PRSS23: variants seen among roughly 807,000 people sequenced by gnomAD.
PRSS23 encodes the protein serine protease 23.
Under a neutral mutation model 34.7 loss-of-function variants are expected in PRSS23, and 25 were observed. The observed-to-expected ratio is 0.72, with a 90% confidence interval of 0.53 to 1.01. The LOEUF (loss-of-function observed/expected upper bound fraction) is 1.01. Ranked by LOEUF, PRSS23 falls within the 50% of genes least tolerant of loss-of-function variation. PRSS23 has a pLI of 0.00. For missense variants in PRSS23, 445 were observed against 475.6 expected (o/e 0.94, Z 0.60); for synonymous variants, 176 against 186.6 (o/e 0.94, Z 0.46).
At chr11:86,900,214 A>G (rs1159894012) in intron 2 of PRSS23, among the ~76,000 whole-genome samples, 2 of 152,150 alleles carry the variant, frequency 1.3e-5, no homozygotes, top group Admixed American at 1.3e-4. Context: ...TTCCTCCTCA[A>G]TGCTTTCCTC....
chr11:86,834,778 G>A (rs558739759), intron 2 of PRSS23, among the ~76,000 whole-genome samples: 36 of 152,184 alleles, frequency 2.4e-4, no homozygotes, highest in Admixed American at 4.6e-4. Flanking sequence ...AGCATACATA[G>A]AGTCTGTATA....
chr11:86,925,732 T>C (rs970152251), intron 2 of PRSS23, among the ~76,000 whole-genome samples: 3 of 152,228 alleles, frequency 2.0e-5, no homozygotes, highest in African/African-American at 4.8e-5. Flanking sequence ...GGTGATGACT[T>C]TTGTAAGACT....
chr11:86,883,290 A>G lies in PRSS23; in HGVS notation c.206+59697A>G, dbSNP rs535905125. 1.3e-5 allele frequency among the ~76,000 whole-genome samples: 2 copies of G among 152,334 alleles called. 1 individual carries two copies. Among genetic ancestry groups the G allele is most frequent in the African/African-American group, 4.8e-5 (2 of 41,580 alleles). ...AAAACAGCATGGTACTGGTACAAAAACAGACACATAGGCCAATGGAACAGA... is the reference window on the plus strand; with the variant it reads ...AAAACAGCATGGTACTGGTACAAAAGCAGACACATAGGCCAATGGAACAGA... On this transcript the variant is annotated intron_variant, in intron 2 of 2. Coordinates refer to the PRSS23 transcript ENST00000533902.
In PRSS23 at chr11:86,808,884, G is replaced by A. The variant is rs566583901; in HGVS notation, c.*89G>A. ...TGTTTTTTGTCATTGGCGTGCACAC[G>A]TGTGTGTGTGTGTGTGTGTGTGTGT... On this transcript the variant is annotated 3_prime_UTR_variant, in exon 2 of 2. Coordinates refer to ENST00000280258, the MANE Select transcript of PRSS23 (RefSeq NM_007173.6). 107 of 293,830 alleles carry A rather than the reference G, an allele frequency of 3.6e-4. No individual in the cohort carries two copies. The East Asian group carries it at 8.0e-3, about 22-fold the overall frequency. The allele number at this position is 293,830 out of a possible 1,614,324, so 18.2% of individuals were successfully genotyped here.
At chr11:86,831,710 C>A (rs1314824211) in intron 2 of PRSS23, among the ~76,000 whole-genome samples, 2 of 151,610 alleles carry the variant, frequency 1.3e-5, no homozygotes, top group East Asian at 3.9e-4. Context: ...TGATGTTATT[C>A]ATAATATCCT....
chr11:86,930,186 TA>T (rs35103355), intron 2 of PRSS23, among the ~76,000 whole-genome samples: 94,032 of 150,160 alleles, frequency 0.63, 29,783 homozygotes, highest in Non-Finnish European at 0.69. Flanking sequence ...GAAGTTCCTT[TA>T]AAAAAAAAAA....
chr11:86,877,884 G>T (rs535756593), intron 2 of PRSS23, among the ~76,000 whole-genome samples: 137 of 150,988 alleles, frequency 9.1e-4, no homozygotes, highest in Middle Eastern at 3.5e-3. Context: ...TGGGGTGGGG[G>T]GTGTGCAGGT....
intron 2 of PRSS23, among the ~76,000 whole-genome samples, chr11:86,871,915 T>C (rs1475229968): frequency 1.3e-5 from 2 of 152,202 alleles, no homozygotes. Flanking sequence ...AGAGAAAATA[T>C]GTATATATGT....
intron 1 of PRSS23, 77 bp from the exon 2 acceptor site, chr11:86,807,554 G>C: frequency 1.5e-6 from 2 of 1,320,096 alleles, no homozygotes; most frequent in Non-Finnish European, 2.1e-6. Flanking sequence ...TGACAGGCCT[G>C]CTGCTGAGCT....
intron 2 of PRSS23, among the ~76,000 whole-genome samples, chr11:86,852,568 T>C (rs1223413706): frequency 6.6e-6 from 1 of 151,998 alleles, no homozygotes; most frequent in Non-Finnish European, 1.5e-5. Context: ...TTAAAAATTA[T>C]AAATATATAT....
intron 2 of PRSS23, among the ~76,000 whole-genome samples, chr11:86,827,326 G>A (rs1396937017): frequency 1.3e-5 from 2 of 152,156 alleles, no homozygotes; most frequent in East Asian, 3.8e-4. Context: ...ATTTCTGTGG[G>A]ATCTGTGGTG....
At chr11:86,879,786 C>T (rs1448038110) in intron 2 of PRSS23, among the ~76,000 whole-genome samples, 1 of 112,704 alleles carries the variant, frequency 8.9e-6, no homozygotes. Flanking sequence ...GGGTCAGCCC[C>T]CTGCCCGGCC....
At chr11:86,861,999 T>C (rs1948619130) in intron 2 of PRSS23, among the ~76,000 whole-genome samples, 1 of 151,802 alleles carries the variant, frequency 6.6e-6, no homozygotes, top group Non-Finnish European at 1.5e-5. Flanking sequence ...GGTGAGAGAA[T>C]GATATTACAT....
At chr11:86,924,457 G>C (rs1949067585) in intron 2 of PRSS23, among the ~76,000 whole-genome samples, 1 of 152,178 alleles carries the variant, frequency 6.6e-6, no homozygotes, top group Non-Finnish European at 1.5e-5. Context: ...CTGGGACCAA[G>C]AAGTAAGGGA....
rs1000725258 is a variant in PRSS23 at position 86,846,911 on chromosome 11, G to A, written c.206+23318G>A. 3.9e-5 allele frequency among the ~76,000 whole-genome samples: 6 copies of A among 152,220 alleles called. No homozygotes were observed. In the East Asian group the frequency reaches 9.6e-4, roughly 24 times the overall value. Reference sequence around the variant, plus strand: ...TTAAAGATAGGTCTGTAATTTTCATGTGGATAGTAGAAGCCTTAGGGCATT... The same window carrying A: ...TTAAAGATAGGTCTGTAATTTTCATATGGATAGTAGAAGCCTTAGGGCATT... On this transcript the variant is annotated intron_variant, in intron 2 of 2. Coordinates refer to the PRSS23 transcript ENST00000533902.
chr11:86,822,820 A>G (rs1474827493), intron 1 of PRSS23, among the ~76,000 whole-genome samples: 11 of 152,182 alleles, frequency 7.2e-5, no homozygotes, highest in Admixed American at 5.9e-4. Context: ...GAGACCTTGT[A>G]TCAAGGATCT....
intron 2 of PRSS23, among the ~76,000 whole-genome samples, chr11:86,894,616 G>T (rs1590917398): frequency 6.6e-6 from 1 of 152,070 alleles, no homozygotes; most frequent in East Asian, 1.9e-4. Context: ...TTCATGTCTG[G>T]CAATGTAGGG....
intron 2 of PRSS23, among the ~76,000 whole-genome samples, chr11:86,869,387 G>A (rs190700040): frequency 1.6e-4 from 25 of 152,108 alleles, no homozygotes; most frequent in Admixed American, 1.1e-3. Context: ...AACATCAACT[G>A]GGCACCTATC....
intron 2 of PRSS23, among the ~76,000 whole-genome samples, chr11:86,916,534 A>G (rs1404579712): frequency 6.6e-6 from 1 of 152,218 alleles, no homozygotes; most frequent in Non-Finnish European, 1.5e-5. Context: ...TCATACTGAC[A>G]GGAAGTGTGT....
Sources: allele counts gnomAD v4.1 joint callset (sites outside exome capture counted in the v4.1 genomes callset), GRCh38; gene constraint gnomAD v4.1.1; transcripts MANE v1.5; gene names NCBI Gene and HGNC (gene_info 2026-07-23, HGNC 2026-07-21).